Variants in MTAP observed in about 807,000 individuals in gnomAD.
MTAP encodes the protein methylthioadenosine phosphorylase, also known as S-methyl-5'-thioadenosine phosphorylase.
A neutral mutation model predicts 33.6 loss-of-function variants in MTAP; 33 were observed. That is an observed-to-expected ratio of 0.98 (90% CI 0.74 to 1.31). MTAP has a LOEUF of 1.31. MTAP is among the 40% of genes most tolerant of loss of function. MTAP has a pLI of 0.00. For synonymous variants in MTAP, 148 were observed against 125.7 expected (o/e 1.18, Z -1.19); for missense variants, 367 against 360.0 (o/e 1.02, Z -0.16).
chr9:21,913,549 T>C (rs1818622705), intron 1 of MTAP, among the ~76,000 whole-genome samples: 1 of 152,154 alleles, frequency 6.6e-6, no homozygotes, highest in Admixed American at 6.5e-5. Context: ...ATTTAATAAA[T>C]GGTGCTGGGA....
chr9:21,912,213 G>T (rs1048327277), intron 1 of MTAP, among the ~76,000 whole-genome samples: 1 of 152,174 alleles, frequency 6.6e-6, no homozygotes, highest in African/African-American at 2.4e-5. Flanking sequence ...ACAAAGAGGA[G>T]CTGGTACCAT....
At chr9:21,833,438 G>T (rs1000496487) in intron 4 of MTAP, among the ~76,000 whole-genome samples, 1 of 152,106 alleles carries the variant, frequency 6.6e-6, no homozygotes, top group Non-Finnish European at 1.5e-5. Flanking sequence ...ACCCACCTTG[G>T]CCTCCTAAAG....
chr9:21,835,859 C>T (rs148799798), intron 4 of MTAP, among the ~76,000 whole-genome samples: 1 of 152,154 alleles, frequency 6.6e-6, no homozygotes, highest in Non-Finnish European at 1.5e-5. Flanking sequence ...TGTTTCAATA[C>T]TGAATGTATT....
chr9:21,923,441 C>T lies in MTAP; in HGVS notation c.148-7567C>T, dbSNP rs111505462. On this transcript the variant is annotated intron_variant, in intron 1 of 1. Transcript: ENST00000577563. ...GCCATTTGTGGGCTCTTATCCCAAG[C>T]TCCGAGTTCTCCAAAGATTCCTCTT... Among the ~76,000 whole-genome samples the T allele has an allele frequency of 8.6e-4, 131 of 152,280 alleles. 2 individuals carry two copies. The highest frequency in any genetic ancestry group is 3.0e-3 in the African/African-American group (125 of 41,540).
intron 4 of MTAP, 50 bp downstream of exon 4, chr9:21,818,252 G>T: frequency 6.6e-7 from 1 of 1,521,344 alleles, no homozygotes; most frequent in South Asian, 1.1e-5. Context: ...GTCATTTTCA[G>T]CTCAAATGGA....
At chr9:21,806,648 A>G (rs973726785) in intron 1 of MTAP, among the ~76,000 whole-genome samples, 2 of 152,118 alleles carry the variant, frequency 1.3e-5, no homozygotes, top group Non-Finnish European at 2.9e-5. Flanking sequence ...GGGGGTAGCC[A>G]TGGAGAGAGG....
intron 1 of MTAP, among the ~76,000 whole-genome samples, chr9:21,908,279 T>C (rs903530961): frequency 6.6e-5 from 10 of 152,302 alleles, no homozygotes; most frequent in South Asian, 2.1e-4. Flanking sequence ...TTCACCTAGA[T>C]TGTTGCCTGT....
At position 21,862,070 on chromosome 9, in the gene MTAP, A is replaced by G. The variant is rs752127232; in HGVS notation, c.*56A>G. On this transcript the variant is annotated 3_prime_UTR_variant, in exon 8 of 8. Coordinates refer to ENST00000644715, the MANE Select transcript of MTAP (RefSeq NM_002451.4). The stretch of plus-strand genomic sequence containing the variant: ...CATTCTAATTCCAGTCATTTTGGGA[A>G]TTCCTGCTTAACTTGAAAAAAATAT... 3 of 1,609,098 alleles carry G rather than the reference A, an allele frequency of 1.9e-6. No individual in the cohort carries two copies. The highest frequency in any genetic ancestry group is 1.7e-6 in the Non-Finnish European group (2 of 1,178,568).
At position 21,864,638 on chromosome 9, in the gene MTAP, T is replaced by C; in HGVS notation, c.*2624T>C. ...GGCCCCTGTTCACTGCCCCCTTCGC[T>C]AGCACGAGTTGCTGTGCAGGGCTGG... is the stretch of plus-strand genomic sequence containing the variant. On this transcript the variant is annotated 3_prime_UTR_variant, in exon 8 of 8. Transcript: ENST00000644715. 5 of 985,536 alleles carry C rather than the reference T, an allele frequency of 5.1e-6. No individual in the cohort carries two copies. Among genetic ancestry groups the C allele is most frequent in the Non-Finnish European group, 6.0e-6 (5 of 830,002 alleles). The allele number at this position is 985,536 out of a possible 1,614,324, so 61.0% of individuals were successfully genotyped here. A position where few individuals can be genotyped will look rare whatever the true frequency, so the allele number is the denominator to read the frequency against.
At chr9:21,803,691 G>T (rs1044338094) in intron 1 of MTAP, among the ~76,000 whole-genome samples, 5 of 151,546 alleles carry the variant, frequency 3.3e-5, no homozygotes, top group Non-Finnish European at 7.4e-5. Context: ...TAAAACTTAA[G>T]ACCTCTTCTA....
intron 1 of MTAP, among the ~76,000 whole-genome samples, chr9:21,873,490 G>A (rs1171474098): frequency 6.6e-6 from 1 of 152,052 alleles, no homozygotes; most frequent in Non-Finnish European, 1.5e-5. Context: ...AAGGCCCGAG[G>A]GAGCTCTTTT....
intron 1 of MTAP, among the ~76,000 whole-genome samples, chr9:21,804,995 T>G (rs1824171489): frequency 6.6e-6 from 1 of 152,162 alleles, no homozygotes; most frequent in Admixed American, 6.5e-5. Context: ...AGGCAGAGGG[T>G]ATGCAGAAAG....
intron 4 of MTAP, among the ~76,000 whole-genome samples, chr9:21,828,809 T>G (rs917631031): frequency 1.3e-5 from 2 of 152,370 alleles, no homozygotes; most frequent in African/African-American, 4.8e-5. Flanking sequence ...TTTACCTGTT[T>G]CTCTTTTACT....
chr9:21,855,013 A>T (rs1404482559), intron 6 of MTAP, 143 bp downstream of exon 6: 1 of 1,150,084 alleles, frequency 8.7e-7, no homozygotes, highest in Non-Finnish European at 1.2e-6. Context: ...CTGTAGTTCC[A>T]TTGGAAGGTA....
chr9:21,859,115 CT>C, intron 6 of MTAP, 187 bp from the exon 7 acceptor site: 4 of 651,766 alleles, frequency 6.1e-6, no homozygotes, highest in Non-Finnish European at 9.9e-6. Context: ...AGGACTCTGC[CT>C]TCATGACCTA....
At chr9:21,883,919 T>G (rs1818059752) in intron 1 of MTAP, among the ~76,000 whole-genome samples, 1 of 152,088 alleles carries the variant, frequency 6.6e-6, no homozygotes, top group South Asian at 2.1e-4. Context: ...AGGGGGCTGT[T>G]GTGAAGGTCA....
Position 21,877,472 on chromosome 9 carries a change from C to T in MTAP, c.147+22602C>T, listed in dbSNP as rs148821132. Among the ~76,000 whole-genome samples, 274 of 152,140 alleles carry T rather than the reference C, an allele frequency of 1.8e-3. 4 individuals are homozygous for T. The highest frequency in any genetic ancestry group is 0.014 in the Admixed American group (207 of 15,260). ...GGAGTGCTTCCAGCTATTCCCCATC[C>T]GGTATGATATTGGCTTTGGATTTGT... On this transcript the variant is annotated intron_variant, in intron 1 of 1. Transcript: ENST00000577563.
chr9:21,912,654 T>A (rs1818599889), intron 1 of MTAP, among the ~76,000 whole-genome samples: 2 of 152,202 alleles, frequency 1.3e-5, no homozygotes, highest in African/African-American at 4.8e-5. Context: ...GAGCTATTTA[T>A]GACAAACCCA....
intron 1 of MTAP, among the ~76,000 whole-genome samples, chr9:21,885,908 A>G (rs1271586862): frequency 6.6e-6 from 1 of 152,056 alleles, no homozygotes; most frequent in Non-Finnish European, 1.5e-5. Context: ...TTGTCCTGCT[A>G]TAAACATGCC....
Sources: allele counts gnomAD v4.1 joint callset (sites outside exome capture counted in the v4.1 genomes callset), GRCh38; gene constraint gnomAD v4.1.1; transcripts MANE v1.5; gene names NCBI Gene and HGNC (gene_info 2026-07-23, HGNC 2026-07-21).